ASTN2: variants seen among roughly 807,000 people sequenced by gnomAD.
ASTN2 encodes the protein astrotactin 2.
A neutral mutation model predicts 139.8 loss-of-function variants in ASTN2; 54 were observed. The observed-to-expected ratio is 0.39, with a 90% CI of 0.31 to 0.48. ASTN2 has a LOEUF of 0.48. ASTN2 is among the 20% of genes least tolerant of loss of function. The pLI is 0.95. For missense variants in ASTN2, 1,565 were observed against 1,725.1 expected (o/e 0.91, Z 1.64); for synonymous variants, 756 against 719.5 (o/e 1.05, Z -0.81).
intron 10 of ASTN2, among the ~76,000 whole-genome samples, chr9:116,879,915 T>C (rs1246085150): frequency 6.6e-6 from 1 of 152,168 alleles, no homozygotes; most frequent in African/African-American, 2.4e-5. Context: ...CTTAGAGTTA[T>C]GTTTTTATGT....
Position 116,729,133 on chromosome 9 carries a change from A to G in ASTN2, c.2522-37T>C, listed in dbSNP as rs1216405808. On this transcript the variant is annotated intron_variant, in intron 14 of 22. Coordinates refer to ENST00000313400, the MANE Select transcript of ASTN2 (RefSeq NM_001365068.1). ...AATAAGATGGTCACGTGAGCCCAGA[A>G]TTAAGACGCTTCACACCACATTGTT... The G allele has an allele frequency of 2.0e-6, 3 of 1,475,022 alleles. No homozygotes were observed. In the Admixed American group the frequency reaches 5.9e-5, roughly 29 times the overall value. 91.4% of individuals were successfully genotyped at this position (1,475,022 alleles called of 1,614,324 possible).
chr9:117,125,826 C>T (rs200926079), intron 4 of ASTN2, among the ~76,000 whole-genome samples: 5 of 89,104 alleles, frequency 5.6e-5, no homozygotes, highest in Admixed American at 1.9e-4. Flanking sequence ...CATTTCATTG[C>T]GGCGGGGGGG....
At chr9:116,634,966 AG>A (rs1436831604) in intron 17 of ASTN2, among the ~76,000 whole-genome samples, 1 of 148,966 alleles carries the variant, frequency 6.7e-6, no homozygotes, top group African/African-American at 2.4e-5. Context: ...AAGACTAAGA[AG>A]AAAAAAAAGG....
chr9:116,462,800 G>A lies in ASTN2; in HGVS notation c.3498-20247C>T, dbSNP rs1010241389. 1.1e-3 allele frequency among the ~76,000 whole-genome samples: 152 copies of A among 138,704 alleles called. 2 individuals are homozygous for A. The East Asian group carries it at 0.03, about 27-fold the overall frequency. 91.0% of individuals were successfully genotyped at this position (138,704 alleles called of 152,430 possible). A position where few individuals can be genotyped will look rare whatever the true frequency, so the allele number is the denominator to read the frequency against. On this transcript the variant is annotated intron_variant, in intron 20 of 22. Coordinates refer to ENST00000313400, the MANE Select transcript of ASTN2 (RefSeq NM_001365068.1). ...GTGTTGGGTGAGCATGTGTGTGTGT[G>A]TGTGTGTGTGTGTGTGTGTGTGTGT...
intron 20 of ASTN2, among the ~76,000 whole-genome samples, chr9:116,471,001 A>G (rs1473180311): frequency 6.6e-6 from 1 of 152,194 alleles, no homozygotes; most frequent in African/African-American, 2.4e-5. Context: ...CAAACAAATG[A>G]AAAATCTCTG....
At chr9:116,945,786 A>C (rs1835378354) in intron 10 of ASTN2, among the ~76,000 whole-genome samples, 1 of 152,154 alleles carries the variant, frequency 6.6e-6, no homozygotes, top group South Asian at 2.1e-4. Context: ...TGTATCAAGG[A>C]GTCTTTGTTT....
At chr9:116,811,393 G>A (rs144034384) in intron 12 of ASTN2, among the ~76,000 whole-genome samples, 185 of 152,274 alleles carry the variant, frequency 1.2e-3, no homozygotes, top group African/African-American at 4.2e-3. Context: ...CCATATCCAA[G>A]TGTCACTTAG....
intron 10 of ASTN2, among the ~76,000 whole-genome samples, chr9:116,875,575 A>G (rs1043207499): frequency 5.3e-5 from 8 of 152,246 alleles, no homozygotes; most frequent in African/African-American, 1.9e-4. Context: ...ACTATGTCCA[A>G]CAACCGATTT....
chr9:116,798,924 C>T lies in ASTN2; in HGVS notation c.2396+6708G>A, dbSNP rs188959397. The stretch of plus-strand genomic sequence containing the variant: ...AAATTGTTTGTTCCCAAGACACAAA[C>T]GAATGCATTCTGACTGATACATTCA... On this transcript the variant is annotated intron_variant, in intron 13 of 22. Coordinates refer to ENST00000313400, the MANE Select transcript of ASTN2 (RefSeq NM_001365068.1). Among the ~76,000 whole-genome samples, 22 of 152,254 alleles carry T rather than the reference C, an allele frequency of 1.4e-4. 1 individual carries two copies. Among genetic ancestry groups the T allele is most frequent in the African/African-American group, 3.9e-4 (16 of 41,544 alleles).
At chr9:116,907,516 C>T (rs1834194938) in intron 10 of ASTN2, among the ~76,000 whole-genome samples, 1 of 152,182 alleles carries the variant, frequency 6.6e-6, no homozygotes, top group African/African-American at 2.4e-5. Flanking sequence ...GGCAGACCTG[C>T]CTTCATGGGC....
chr9:117,338,122 G>C (rs1159312991), intron 1 of ASTN2, among the ~76,000 whole-genome samples: 1 of 152,168 alleles, frequency 6.6e-6, no homozygotes, highest in Non-Finnish European at 1.5e-5. Flanking sequence ...CGGACATATG[G>C]AGAGAACAGA....
chr9:117,291,313 C>T lies in ASTN2; in HGVS notation c.630+13G>A, dbSNP rs369246614. On this transcript the variant is annotated intron_variant, in intron 2 of 22. Coordinates refer to ENST00000313400, the MANE Select transcript of ASTN2 (RefSeq NM_001365068.1). ...GCAATCCCCGACCCCGGTCACATCC[C>T]CCCATCACTCACCATCACAGAAATG... The T allele has an allele frequency of 1.9e-6, 3 of 1,613,770 alleles. No individual in the cohort carries two copies. The highest frequency in any genetic ancestry group is 2.5e-6 in the Non-Finnish European group (3 of 1,179,830).
chr9:117,227,485 T>C (rs920752778), intron 2 of ASTN2, among the ~76,000 whole-genome samples: 3 of 152,116 alleles, frequency 2.0e-5, no homozygotes, highest in Non-Finnish European at 4.4e-5. Context: ...GGTGGATGGA[T>C]GGATGGATGA....
chr9:116,809,010 T>C (rs1351157664), intron 12 of ASTN2, among the ~76,000 whole-genome samples: 1 of 152,146 alleles, frequency 6.6e-6, no homozygotes. Context: ...TTTGTGTTGG[T>C]TTATATATGC....
intron 19 of ASTN2, among the ~76,000 whole-genome samples, chr9:116,533,093 T>C (rs1460907596): frequency 6.6e-6 from 1 of 152,220 alleles, no homozygotes; most frequent in Non-Finnish European, 1.5e-5. Context: ...GTAAGTTGGA[T>C]TCCTAGGTAT....
At chr9:117,061,209 G>T (rs1395460217) in intron 5 of ASTN2, among the ~76,000 whole-genome samples, 2 of 151,342 alleles carry the variant, frequency 1.3e-5, no homozygotes, top group Non-Finnish European at 2.9e-5. Flanking sequence ...AGAATTGCAG[G>T]GGCAGGTTGT....
At chr9:116,436,948 C>T (rs1588056165) in intron 22 of ASTN2, among the ~76,000 whole-genome samples, 1 of 151,568 alleles carries the variant, frequency 6.6e-6, no homozygotes, top group South Asian at 2.1e-4. Context: ...TCTCAGTAAA[C>T]TGTCGCAAGA....
chr9:116,888,592 G>A (rs972912448), intron 10 of ASTN2, among the ~76,000 whole-genome samples: 2 of 151,734 alleles, frequency 1.3e-5, no homozygotes, highest in African/African-American at 2.4e-5. Flanking sequence ...GTGCAATCTC[G>A]GCTCACTGCA....
chr9:116,995,571 T>A (rs947844979), intron 7 of ASTN2, among the ~76,000 whole-genome samples: 1 of 152,198 alleles, frequency 6.6e-6, no homozygotes, highest in Admixed American at 6.5e-5. Flanking sequence ...GTTTTTTAGA[T>A]AGCTAGCAAT....
Sources: allele counts gnomAD v4.1 joint callset (sites outside exome capture counted in the v4.1 genomes callset), GRCh38; gene constraint gnomAD v4.1.1; transcripts MANE v1.5; gene names NCBI Gene and HGNC (gene_info 2026-07-23, HGNC 2026-07-21).